The following GGPS1 variants were observed in gnomAD, a reference collection of about 807,000 sequenced individuals.
GGPS1 encodes geranylgeranyl diphosphate synthase 1, also known as geranylgeranyl pyrophosphate synthase.
Under a neutral mutation model 28.1 loss-of-function variants are expected in GGPS1, and 15 were observed. The ratio of observed to expected loss-of-function variants is 0.53; its 90% confidence interval spans 0.36 to 0.82. The LOEUF (loss-of-function observed/expected upper bound fraction) is 0.82. Among genes scored for constraint, GGPS1 ranks in the 40% least tolerant of loss-of-function variants. The pLI is 0.01. For synonymous variants in GGPS1, 138 were observed against 122.4 expected (o/e 1.13, Z -0.84); for missense variants, 284 against 348.3 (o/e 0.82, Z 1.47).
rs1034239262 is a variant in GGPS1, at chr1:235,342,152, G to C, written c.283G>C (p.Val95Leu). The C allele has an allele frequency of 1.2e-6, 2 of 1,614,018 alleles. No individual in the cohort carries two copies. Among genetic ancestry groups the C allele is most frequent in the South Asian group, 1.1e-5 (1 of 91,080 alleles). The change falls in exon 4 of 4, where the codon GTG (valine) becomes CTG (leucine). Residue 95 changes from valine (V) to leucine (L), a missense_variant. Coordinates refer to ENST00000282841, the MANE Select transcript of GGPS1 (RefSeq NM_004837.4). ...IPSVINSANYVYFLGLEKVLT... is the reference protein window; with the variant it reads ...IPSVINSANYLYFLGLEKVLT... ...ATCTGTCATCAATTCTGCCAATTAC[G>C]TGTATTTCCTTGGCTTGGAGAAAGT...
In GGPS1 at chr1:235,335,314, A is replaced by C. The variant is rs1388381367; in HGVS notation, c.50A>C (p.Lys17Thr). 6.5e-7 allele frequency: 1 copy of C among 1,530,482 alleles called. No homozygotes were observed. Among genetic ancestry groups the C allele is most frequent in the Admixed American group, 1.7e-5 (1 of 59,196 alleles). The allele number at this position is 1,530,482 out of a possible 1,614,324, so 94.8% of individuals were successfully genotyped here. Residue 17 changes from lysine to threonine, a missense_variant, in exon 2 of 4, where the codon AAA becomes ACA. Physicochemically the swap from Lys to Thr is moderately conservative, Grantham distance 78. Transcript: ENST00000282841. ...TVQRILLEPY[K>T]YLLQLPGKQV... ...CAAAGAATTCTTCTAGAACCCTATA[A>C]ATACTTACTTCAGTTACCAGGTAAT...
upstream of GGPS1, chr1:235,327,772 C>T (rs1675439364): frequency 6.5e-6 from 1 of 152,766 alleles, no homozygotes; most frequent in African/African-American, 2.4e-5. Context: ...TCCCTACCTT[C>T]CTCGGAGGCG....
intron 1 of GGPS1, among the ~76,000 whole-genome samples, chr1:235,331,542 G>T (rs962706987): frequency 6.6e-5 from 10 of 151,952 alleles, no homozygotes; most frequent in African/African-American, 2.4e-4. Context: ...AACATTCAGG[G>T]ACTATATGAT....
chr1:235,332,046 T>A (rs1572267202), intron 1 of GGPS1, among the ~76,000 whole-genome samples: 1 of 152,204 alleles, frequency 6.6e-6, no homozygotes, highest in East Asian at 1.9e-4. Flanking sequence ...AATAATTAGA[T>A]TTTGGTTTGG....
At chr1:235,340,057 G>A (rs1455705238) in intron 2 of GGPS1, among the ~76,000 whole-genome samples, 2 of 151,562 alleles carry the variant, frequency 1.3e-5, no homozygotes, top group Admixed American at 6.6e-5. Context: ...GCTTGATCTT[G>A]GGAGGCGGAG....
intron 1 of GGPS1, 83 bp from the exon 2 acceptor site, chr1:235,335,159 A>C: frequency 1.5e-6 from 1 of 653,858 alleles, no homozygotes; most frequent in Non-Finnish European, 2.7e-6. Flanking sequence ...TTTCACAAAC[A>C]CCCTGCAATA....
chr1:235,331,646 T>A (rs959266626), intron 1 of GGPS1, among the ~76,000 whole-genome samples: 92 of 150,050 alleles, frequency 6.1e-4, no homozygotes, highest in African/African-American at 2.2e-3. Flanking sequence ...TTTTTTTTTT[T>A]AGAAGATTCA....
rs144350828 is a variant in GGPS1 at position 235,331,011 on chromosome 1, A to G, written c.-24+2233A>G. Among the ~76,000 whole-genome samples, 30 of 152,290 alleles carry G rather than the reference A, an allele frequency of 2.0e-4. No individual in the cohort carries two copies. The East Asian group carries it at 5.6e-3, about 28-fold the overall frequency. On this transcript the variant is annotated intron_variant, in intron 1 of 3. Transcript: ENST00000282841. ...TTTTGCATCTTCTTTTCTTACTTCA[A>G]TCCCTGATAATAAGGTCACGTGTCA...
chr1:235,338,038 A>T (rs369809255), intron 2 of GGPS1, among the ~76,000 whole-genome samples: 6 of 152,196 alleles, frequency 3.9e-5, no homozygotes, highest in African/African-American at 1.4e-4. Context: ...GGAAGCAGTA[A>T]TCTTTTAATT....
chr1:235,339,515 T>TC (rs1675966712), intron 2 of GGPS1, among the ~76,000 whole-genome samples: 1 of 151,854 alleles, frequency 6.6e-6, no homozygotes, highest in African/African-American at 2.4e-5. Context: ...ATCCCAGCAT[T>TC]TTGGGAGGCC....
rs1307472042 is a variant in GGPS1 at position 235,328,635 on chromosome 1, C to T, written c.-167C>T. The T allele has an allele frequency of 1.3e-5, 2 of 153,012 alleles. No individual in the cohort carries two copies. Among genetic ancestry groups the T allele is most frequent in the East Asian group, 1.9e-4 (1 of 5,196 alleles). The allele number at this position is 153,012 out of a possible 1,614,324, so 9.5% of individuals were successfully genotyped here. On this transcript the variant is annotated 5_prime_UTR_variant, in exon 1 of 4. Coordinates refer to ENST00000282841, the MANE Select transcript of GGPS1 (RefSeq NM_004837.4). ...CGGTGTCGCTGGCGGCTGAGGAGGGCGGAGAGTTCTGTGGTGAAATAGTGG... is the reference window on the plus strand; with the variant it reads ...CGGTGTCGCTGGCGGCTGAGGAGGGTGGAGAGTTCTGTGGTGAAATAGTGG...
intron 1 of GGPS1, among the ~76,000 whole-genome samples, chr1:235,332,336 T>C (rs897060879): frequency 6.6e-6 from 1 of 152,248 alleles, no homozygotes; most frequent in Non-Finnish European, 1.5e-5. Context: ...TTGTCTTTTA[T>C]GTCTGACTTG....
intron 2 of GGPS1, among the ~76,000 whole-genome samples, chr1:235,338,483 C>T (rs1375108515): frequency 1.3e-5 from 2 of 152,060 alleles, no homozygotes; most frequent in African/African-American, 4.8e-5. Flanking sequence ...AAAAATAAGC[C>T]ATATATTGTA....
chr1:235,329,519 G>C (rs925944377), intron 1 of GGPS1: 3 of 152,400 alleles, frequency 2.0e-5, no homozygotes, highest in East Asian at 1.9e-4. Flanking sequence ...TGAGGATCGA[G>C]CTGAGAGCTG....
intron 2 of GGPS1, among the ~76,000 whole-genome samples, chr1:235,336,510 T>C (rs1010470822): frequency 8.5e-5 from 13 of 152,054 alleles, no homozygotes; most frequent in African/African-American, 2.9e-4. Flanking sequence ...AGACATAATA[T>C]AGGCCAGGTG....
chr1:235,338,952 T>G (rs890481654), intron 2 of GGPS1, among the ~76,000 whole-genome samples: 1 of 151,446 alleles, frequency 6.6e-6, no homozygotes, highest in Non-Finnish European at 1.5e-5. Flanking sequence ...CGACTTGAGG[T>G]CAGGAGTTCG....
chr1:235,336,060 G>T lies in GGPS1; in HGVS notation c.70+726G>T, dbSNP rs747668868. 5.9e-5 allele frequency among the ~76,000 whole-genome samples: 9 copies of T among 152,188 alleles called. No individual in the cohort carries two copies. In the South Asian group the frequency reaches 1.9e-3, roughly 32 times the overall value. On this transcript the variant is annotated intron_variant, in intron 2 of 3. Coordinates refer to ENST00000282841, the MANE Select transcript of GGPS1 (RefSeq NM_004837.4). ...CCTTGGACATGGCTTCCTACCTCAC[G>T]TGTACGTGTGTGTTTTTGTTTTATT...
intron 1 of GGPS1, among the ~76,000 whole-genome samples, chr1:235,334,526 C>A (rs948130054): frequency 5.3e-5 from 8 of 152,200 alleles, no homozygotes; most frequent in African/African-American, 1.7e-4. Context: ...GGCTGTGCAA[C>A]CATCACAATT....
chr1:235,327,233 T>C (rs1361073373), upstream of GGPS1: 1 of 278,322 alleles, frequency 3.6e-6, no homozygotes, highest in Non-Finnish European at 6.9e-6. Context: ...ACGCCATTTC[T>C]GTCAGAGAAG....
Sources: allele counts gnomAD v4.1 joint callset (sites outside exome capture counted in the v4.1 genomes callset), GRCh38; gene constraint gnomAD v4.1.1; transcripts MANE v1.5; gene names NCBI Gene and HGNC (gene_info 2026-07-23, HGNC 2026-07-21).